Variants in RGS12 observed in about 807,000 individuals in gnomAD.
RGS12 encodes regulator of G-protein signaling 12.
In RGS12, 66 loss-of-function variants were observed where a neutral mutation model predicts 120.1. The ratio of observed to expected loss-of-function variants is 0.55; its 90% CI spans 0.45 to 0.67. The LOEUF (loss-of-function observed/expected upper bound fraction) is 0.67. Ranked by LOEUF, RGS12 falls within the 30% of genes least tolerant of loss-of-function variation. The pLI is 0.00. For synonymous variants in RGS12, 827 were observed against 804.7 expected (o/e 1.03, Z -0.47); for missense variants, 1,859 against 1,957.7 (o/e 0.95, Z 0.95).
intron 12 of RGS12, 142 bp downstream of exon 12, chr4:3,423,120 T>A: frequency 1.4e-5 from 6 of 415,098 alleles, no homozygotes; most frequent in Non-Finnish European, 2.3e-5. Flanking sequence ...GGGGGGAGGG[T>A]GGAGGCCCAC....
rs574838742 is a variant in RGS12, at chr4:3,374,780, C to T, written c.1999-11636C>T. On this transcript the variant is annotated intron_variant, in intron 3 of 17. Transcript: ENST00000336727. This position sits in a 1 kb window ranked among gnomAD's most constrained non-coding sequence, Gnocchi z 6.3. Reference sequence around the variant, plus strand: ...GAGCACCACAGAGCCTCCAGCTGCCCCTGCCCTGCCCTGTCCATGCACCTG... The same window carrying T: ...GAGCACCACAGAGCCTCCAGCTGCCTCTGCCCTGCCCTGTCCATGCACCTG... Among the ~76,000 whole-genome samples, 1 of 152,158 alleles carries T rather than the reference C, an allele frequency of 6.6e-6. No homozygotes were observed. Among genetic ancestry groups the T allele is most frequent in the South Asian group, 2.1e-4 (1 of 4,830 alleles).
Position 3,317,951 on chromosome 4 carries a change from C to A in RGS12, c.1781C>A (p.Pro594Gln), listed in dbSNP as rs143395145. 3.7e-6 allele frequency: 6 copies of A among 1,614,190 alleles called. No homozygotes were observed. Among genetic ancestry groups the A allele is most frequent in the Admixed American group, 3.3e-5 (2 of 60,036 alleles). The change falls in exon 2 of 18, where the codon CCG (proline) becomes CAG (glutamine). Residue 594 changes from proline (P) to glutamine (Q), a missense_variant. Physicochemically the swap from Pro to Gln is moderately conservative, Grantham distance 76. This residue lies in a region of RGS12 where 967 missense variants were observed against 994.2 expected (regional missense o/e 0.97). Coordinates refer to ENST00000336727, the MANE Select transcript of RGS12 (RefSeq NM_001394154.1). ...YRVEGSFAQP[P>Q]LNAPKREWSR... The stretch of plus-strand genomic sequence containing the variant: ...GTGGAGGGCAGCTTCGCGCAGCCCC[C>A]GCTGAATGCCCCGAAGAGGGAGTGG...
chr4:3,382,876 G>A lies in RGS12; in HGVS notation c.1999-3540G>A, dbSNP rs1378677911. Among the ~76,000 whole-genome samples the A allele has an allele frequency of 2.0e-5, 3 of 152,186 alleles. No individual in the cohort carries two copies. The East Asian group carries it at 5.8e-4, about 29-fold the overall frequency. On this transcript the variant is annotated intron_variant, in intron 3 of 17. Transcript: ENST00000336727. ...TGTTCTGCTTCAGCCTTTGTTTCTC[G>A]ACAGCTTCACAGATGGTTACTCAAC...
intron 4 of RGS12, among the ~76,000 whole-genome samples, chr4:3,396,125 C>T (rs1294757068): frequency 6.6e-6 from 1 of 151,686 alleles, no homozygotes; most frequent in Non-Finnish European, 1.5e-5. Flanking sequence ...AAATATTTTC[C>T]ATCCACAGTT....
chr4:3,385,708 C>G (rs1278360189), intron 3 of RGS12: 1 of 153,082 alleles, frequency 6.5e-6, no homozygotes, highest in Non-Finnish European at 1.5e-5. Context: ...TCCCTGGTGC[C>G]TTTAAGCCAG....
intron 4 of RGS12, among the ~76,000 whole-genome samples, chr4:3,402,576 A>T (rs900340334): frequency 6.6e-6 from 1 of 152,078 alleles, no homozygotes; most frequent in Non-Finnish European, 1.5e-5. Flanking sequence ...GTTTAGGACC[A>T]CTTTTGAGTC....
intron 3 of RGS12, among the ~76,000 whole-genome samples, chr4:3,363,354 G>A (rs1418495771): frequency 1.3e-5 from 2 of 152,154 alleles, no homozygotes; most frequent in African/African-American, 4.8e-5. Flanking sequence ...CTGTTTTAAA[G>A]AGAAACCATT....
chr4:3,423,381 C>A, intron 12 of RGS12, 134 bp from the exon 13 acceptor site: 1 of 1,209,756 alleles, frequency 8.3e-7, no homozygotes, highest in Non-Finnish European at 1.2e-6. Flanking sequence ...ACGTTCTGAT[C>A]AGCTGGGGCT....
chr4:3,386,563 G>A, intron 4 of RGS12, 126 bp downstream of exon 4: 1 of 828,918 alleles, frequency 1.2e-6, no homozygotes. Flanking sequence ...CTCCTTGTGG[G>A]CGGGTTCTAG....
intron 5 of RGS12, 98 bp downstream of exon 5, chr4:3,414,339 C>T (rs1037137490): frequency 1.2e-5 from 16 of 1,360,354 alleles, no homozygotes; most frequent in Admixed American, 5.2e-5. Context: ...CGGCACCCTG[C>T]GGGCCCTGAG....
At chr4:3,414,400 C>A in intron 5 of RGS12, 159 bp downstream of exon 5, 1 of 816,760 alleles carries the variant, frequency 1.2e-6, no homozygotes, top group Non-Finnish European at 1.9e-6. Flanking sequence ...CTCTCAAGAG[C>A]TCAGAGGAGG....
chr4:3,286,022 C>A, the RGS12 span, among the ~76,000 whole-genome samples: 1 of 152,224 alleles, frequency 6.6e-6, no homozygotes, highest in Non-Finnish European at 1.5e-5. Flanking sequence ...CCGCTGGGGC[C>A]GTCACCAAAA....
intron 3 of RGS12, among the ~76,000 whole-genome samples, chr4:3,345,871 T>C (rs923619662): frequency 2.6e-5 from 4 of 152,106 alleles, no homozygotes; most frequent in Non-Finnish European, 1.5e-5. Flanking sequence ...CCATAGGGAA[T>C]TGGGTGAGAC....
At chr4:3,295,081 G>A (rs1325575868) in intron 1 of RGS12, among the ~76,000 whole-genome samples, 1 of 152,148 alleles carries the variant, frequency 6.6e-6, no homozygotes, top group African/African-American at 2.4e-5. Context: ...GGGTCTCGGG[G>A]AAGAAGGGGT....
chr4:3,303,049 CGAAT>C (rs1162129597), intron 1 of RGS12, among the ~76,000 whole-genome samples: 5 of 152,096 alleles, frequency 3.3e-5, no homozygotes, highest in African/African-American at 9.7e-5. Context: ...AATGAATAAA[CGAAT>C]GAATGAGTGA....
chr4:3,326,637 G>A (rs139960459), intron 2 of RGS12, among the ~76,000 whole-genome samples: 19 of 152,298 alleles, frequency 1.2e-4, no homozygotes, highest in African/African-American at 4.6e-4. Context: ...CAAAATCAAT[G>A]TATAAAAATC....
chr4:3,368,688 T>G (rs1339091563), intron 3 of RGS12, among the ~76,000 whole-genome samples: 18 of 69,714 alleles, frequency 2.6e-4, no homozygotes, highest in Non-Finnish European at 3.0e-4. Context: ...CCTGTGTGTG[T>G]GGGGGTGCCT....
At chr4:3,369,991 A>G in intron 3 of RGS12, 1 of 1,219,744 alleles carries the variant, frequency 8.2e-7, no homozygotes, top group African/African-American at 1.6e-5. Context: ...TGTCGGCCGA[A>G]GTTTTATTCT....
chr4:3,336,311 A>G (rs1223022682), intron 2 of RGS12, among the ~76,000 whole-genome samples: 3 of 152,054 alleles, frequency 2.0e-5, no homozygotes, highest in Non-Finnish European at 4.4e-5. Context: ...CTGCCTTTCC[A>G]TCCCTCAATA....
Sources: gnomAD v4.1 joint callset for allele counts (sites outside exome capture counted in the v4.1 genomes callset) on GRCh38, gnomAD v4.1.1 for gene constraint, gnomAD v4.1.1 regional missense constraint, Gnocchi (gnomAD v3.1) non-coding constraint, MANE v1.5 for transcripts, NCBI Gene and HGNC (gene_info 2026-07-23, HGNC 2026-07-21) for gene names.